Variants in SNTG1 observed in about 807,000 individuals in gnomAD.
SNTG1 encodes the protein syntrophin gamma 1, also known as gamma-1-syntrophin.
SNTG1 carries 39 observed loss-of-function variants against 74.7 expected under a neutral mutation model. The observed-to-expected ratio is 0.52, with a 90% CI of 0.40 to 0.68. The LOEUF is 0.68. SNTG1 is among the 30% of genes least tolerant of loss of function. SNTG1 has a pLI of 0.00. For missense variants in SNTG1, 685 were observed against 609.5 expected, an observed-to-expected ratio of 1.12 and a Z score of -1.30; for synonymous variants, 254 against 217.1, an observed-to-expected ratio of 1.17 and a Z score of -1.49.
intron 5 of SNTG1, among the ~76,000 whole-genome samples, chr8:50,447,563 G>A (rs11775717): frequency 0.86 from 131,034 of 152,144 alleles, 56,545 homozygotes; most frequent in Non-Finnish European, 0.89. Flanking sequence ...ACCTTACGCT[G>A]GGCCTGGAAA....
chr8:50,030,498 T>A (rs967286553), intron 1 of SNTG1, among the ~76,000 whole-genome samples: 6 of 152,112 alleles, frequency 3.9e-5, no homozygotes, highest in African/African-American at 1.2e-4. Flanking sequence ...TAATTTATAA[T>A]CCATTTTGAG....
At chr8:50,694,796 G>T (rs1040779952) in intron 15 of SNTG1, among the ~76,000 whole-genome samples, 1 of 151,360 alleles carries the variant, frequency 6.6e-6, no homozygotes, top group Non-Finnish European at 1.5e-5. Flanking sequence ...TAATAAATGG[G>T]ATACGCCACA....
chr8:50,528,804 A>C (rs2094242753), intron 9 of SNTG1, among the ~76,000 whole-genome samples: 1 of 149,348 alleles, frequency 6.7e-6, no homozygotes, highest in Non-Finnish European at 1.5e-5. Context: ...CTTTTTTCTA[A>C]ATTTTTTTTT....
intron 1 of SNTG1, among the ~76,000 whole-genome samples, chr8:49,983,233 A>G (rs1812845503): frequency 6.6e-6 from 1 of 152,224 alleles, no homozygotes; most frequent in African/African-American, 2.4e-5. Context: ...AAACATTAAC[A>G]TAGGAACTTT....
At chr8:50,035,188 GC>G (rs1818048911) in intron 1 of SNTG1, among the ~76,000 whole-genome samples, 1 of 152,162 alleles carries the variant, frequency 6.6e-6, no homozygotes, top group Non-Finnish European at 1.5e-5. Context: ...AGGAGGCTGA[GC>G]TTTTTGCAGT....
chr8:50,705,371 C>T (rs1415554409), intron 16 of SNTG1, among the ~76,000 whole-genome samples: 1 of 152,162 alleles, frequency 6.6e-6, no homozygotes, highest in Non-Finnish European at 1.5e-5. Context: ...TGTATTCATA[C>T]TACTCATGAA....
At chr8:50,397,184 A>G (rs2092738468) in intron 3 of SNTG1, among the ~76,000 whole-genome samples, 1 of 152,254 alleles carries the variant, frequency 6.6e-6, no homozygotes, top group South Asian at 2.1e-4. Context: ...AGTACAAAAT[A>G]CATTCATACA....
intron 2 of SNTG1, among the ~76,000 whole-genome samples, chr8:50,337,036 A>G (rs2130912521): frequency 6.6e-6 from 1 of 152,336 alleles, no homozygotes; most frequent in African/African-American, 2.4e-5. Flanking sequence ...CCGTACAGAA[A>G]ATGTATTGAT....
intron 2 of SNTG1, among the ~76,000 whole-genome samples, chr8:50,337,350 T>C (rs565138671): frequency 2.0e-4 from 30 of 152,292 alleles, no homozygotes; most frequent in African/African-American, 7.0e-4. Flanking sequence ...TTGCTCAATG[T>C]GGACTAGTTG....
At chr8:50,699,163 G>A (rs1563758462) in intron 15 of SNTG1, among the ~76,000 whole-genome samples, 1 of 151,736 alleles carries the variant, frequency 6.6e-6, no homozygotes, top group Admixed American at 6.6e-5. Flanking sequence ...TTTAAAAAGG[G>A]TTCTGGGAAC....
intron 2 of SNTG1, among the ~76,000 whole-genome samples, chr8:50,341,386 A>C (rs984314783): frequency 6.6e-6 from 1 of 151,940 alleles, no homozygotes; most frequent in African/African-American, 2.4e-5. Flanking sequence ...GCATAATCAG[A>C]TTTCAAATTT....
At chr8:50,730,048 A>G (rs749940957) in intron 17 of SNTG1, among the ~76,000 whole-genome samples, 6 of 152,146 alleles carry the variant, frequency 3.9e-5, no homozygotes, top group Non-Finnish European at 7.3e-5. Context: ...AAAAAATGAG[A>G]GCGATTGGGA....
intron 15 of SNTG1, among the ~76,000 whole-genome samples, chr8:50,686,908 G>T (rs1029733608): frequency 6.6e-6 from 1 of 151,570 alleles, no homozygotes; most frequent in East Asian, 1.9e-4. Context: ...GGCCGAGGCG[G>T]GTGGATCATG....
intron 4 of SNTG1, among the ~76,000 whole-genome samples, chr8:50,416,343 A>G (rs2093013494): frequency 2.0e-5 from 3 of 152,106 alleles, no homozygotes; most frequent in Non-Finnish European, 4.4e-5. Context: ...TTCCATTCTA[A>G]AACACTAAGT....
intron 2 of SNTG1, among the ~76,000 whole-genome samples, chr8:50,253,036 G>A (rs2086711265): frequency 6.6e-6 from 1 of 152,180 alleles, no homozygotes; most frequent in African/African-American, 2.4e-5. Context: ...AACAAGTGGT[G>A]GTGATGATGT....
intron 18 of SNTG1, among the ~76,000 whole-genome samples, chr8:50,759,478 T>C (rs959720852): frequency 1.3e-5 from 2 of 152,046 alleles, no homozygotes; most frequent in Admixed American, 6.6e-5. Context: ...CTTGAGTTAA[T>C]TTTTGTATAA....
At chr8:50,634,697 C>T (rs1336461001) in intron 13 of SNTG1, among the ~76,000 whole-genome samples, 1 of 152,076 alleles carries the variant, frequency 6.6e-6, no homozygotes, top group African/African-American at 2.4e-5. Context: ...TGCTTGTGCA[C>T]ATTGGTGGTA....
intron 1 of SNTG1, among the ~76,000 whole-genome samples, chr8:49,948,769 G>A (rs1319493487): frequency 2.0e-5 from 3 of 152,174 alleles, no homozygotes; most frequent in African/African-American, 7.2e-5. Context: ...AGGATGCAGT[G>A]TCTCTGCTCC....
intron 18 of SNTG1, among the ~76,000 whole-genome samples, chr8:50,779,062 A>G (rs896364843): frequency 2.0e-5 from 3 of 152,002 alleles, no homozygotes; most frequent in Admixed American, 6.6e-5. Context: ...ATTGATCTGT[A>G]TCTCTGTTTT....
Sources: allele counts gnomAD v4.1 joint callset (sites outside exome capture counted in the v4.1 genomes callset), GRCh38; gene constraint gnomAD v4.1.1; transcripts MANE v1.5; gene names NCBI Gene and HGNC (gene_info 2026-07-23, HGNC 2026-07-21).